The following FGA variants were observed in gnomAD, a reference collection of about 807,000 sequenced individuals.
The protein encoded by FGA is fibrinogen, A alpha polypeptide.
In FGA, 20 loss-of-function variants were observed where a neutral mutation model predicts 20.3. The observed-to-expected ratio is 0.99, with a 90% CI of 0.69 to 1.43. The LOEUF (loss-of-function observed/expected upper bound fraction) is 1.43, where lower values mean the gene tolerates loss of function less well. Among genes scored for constraint, FGA ranks in the 40% most tolerant of loss-of-function variants. The probability of loss-of-function intolerance (pLI) is 0.00; values close to 1 mark genes in which losing one functional copy is unlikely to be tolerated. For missense variants in FGA, 777 were observed against 784.7 expected, an observed-to-expected ratio of 0.99 and a Z score of 0.12; for synonymous variants, 306 against 281.6, an observed-to-expected ratio of 1.09 and a Z score of -0.87.
At chr4:154,584,120 C>CCCACTTCTTA (rs1190504677), downstream of FGA, 1 of 1,065,778 alleles carries the variant, frequency 9.4e-7, no homozygotes, top group South Asian at 1.7e-5. Flanking sequence ...CCCACTTCTT[C>CCCACTTCTTA]AGCCTATTGG....
chr4:154,583,218 C>T (rs980993070), downstream of FGA: 4 of 151,938 alleles, frequency 2.6e-5, no homozygotes, highest in African/African-American at 9.7e-5. Flanking sequence ...GGCAAGACCA[C>T]CAGGATTAAA....
downstream of FGA, chr4:154,584,244 A>G (rs1730653725): frequency 3.1e-6 from 5 of 1,614,086 alleles, no homozygotes; most frequent in East Asian, 4.5e-5. Flanking sequence ...TCCTTGGGTC[A>G]TAGGAGCCCC....
chr4:154,588,690 T>A, intron 3 of FGA, 103 bp downstream of exon 3: 1 of 874,376 alleles, frequency 1.1e-6, no homozygotes, highest in Non-Finnish European at 1.9e-6. Context: ...CTACACTAAG[T>A]ACTTTGGGAT....
downstream of FGA, chr4:154,584,866 TATTCTC>T: frequency 6.8e-7 from 1 of 1,478,724 alleles, no homozygotes; most frequent in African/African-American, 1.4e-5. Flanking sequence ...TGGAAGAAGT[TATTCTC>T]ATTTAACTTT....
In FGA at chr4:154,589,458, G is replaced by A. The variant is rs774401572; in HGVS notation, c.159C>T (p.Pro53=). ...HQSACKDSDW[P]FCSDEDWNYK... ...TTACCCAGTCTTCATCAGAGCAGAA[G>A]GGCCAGTCTGAATCTTTGCAGGCAG... The change falls in exon 2 of 5, where the codon CCC becomes CCT. Residue 53 remains proline (P), a synonymous_variant. Coordinates refer to ENST00000403106, the MANE Select transcript of FGA (RefSeq NM_021871.4). 5.0e-6 allele frequency: 8 copies of A among 1,614,086 alleles called. No individual in the cohort carries two copies. Among genetic ancestry groups the A allele is most frequent in the South Asian group, 2.2e-5 (2 of 91,082 alleles).
rs1730697863 is a variant in FGA at position 154,585,890 on chromosome 4, G to T, written c.1539C>A (p.His513Gln). The stretch of plus-strand genomic sequence containing the variant: ...TGTCGAAGAAGGCAGCTTCATCAGG[G>T]TGCCTATGGCGGAACCCATCCAGAG... ...IGTLDGFRHR[H>Q]PDEAAFFDTA... Residue 513 changes from histidine to glutamine, a missense_variant, in exon 5 of 5, where the codon CAC becomes CAA. Physicochemically the swap from His to Gln is conservative, Grantham distance 24. Transcript: ENST00000403106. The T allele has an allele frequency of 6.2e-7, 1 of 1,614,028 alleles. No homozygotes were observed. Among genetic ancestry groups the T allele is most frequent in the Non-Finnish European group, 8.5e-7 (1 of 1,179,916 alleles).
chr4:154,589,037 C>T (rs550378882), intron 2 of FGA, 61 bp from the exon 3 acceptor site: 1 of 1,421,050 alleles, frequency 7.0e-7, no homozygotes, highest in Non-Finnish European at 9.9e-7. Flanking sequence ...AATAATTTTG[C>T]ATGTTTCCAT....
In FGA at chr4:154,586,105, G is replaced by C. The variant is rs763659799; in HGVS notation, c.1324C>G (p.Leu442Val). The change falls in exon 5 of 5, where the codon CTC becomes GTC. Residue 442 changes from leucine to valine, a missense_variant. Leu to Val is a conservative substitution (Grantham distance 32, BLOSUM62 1). Coordinates refer to ENST00000403106, the MANE Select transcript of FGA (RefSeq NM_021871.4). ...KLVTSKGDKE[L>V]RTGKEKVTSG... ...GTGACCTTCTCTTTACCAGTCCTGAGCTCTTTATCTCCTTTAGAAGTGACC... is the reference window on the plus strand; with the variant it reads ...GTGACCTTCTCTTTACCAGTCCTGACCTCTTTATCTCCTTTAGAAGTGACC... 6.2e-7 allele frequency: 1 copy of C among 1,614,160 alleles called. No homozygotes were observed. Among genetic ancestry groups the C allele is most frequent in the Non-Finnish European group, 8.5e-7 (1 of 1,180,020 alleles).
downstream of FGA, chr4:154,584,232 A>G (rs1315546979): frequency 1.2e-6 from 2 of 1,610,130 alleles, no homozygotes; most frequent in Admixed American, 3.4e-5. Flanking sequence ...AAGGACTGTT[A>G]TTCCTTGGGT....
rs1203516244 is a variant in FGA, at chr4:154,586,268, G to A, written c.1161C>T (p.His387=). 6.2e-7 allele frequency: 1 copy of A among 1,614,112 alleles called. No individual in the cohort carries two copies. Among genetic ancestry groups the A allele is most frequent in the Admixed American group, 1.7e-5 (1 of 60,022 alleles). Residue 387 remains histidine, a synonymous_variant, in exon 5 of 5, where the codon CAC becomes CAT. Transcript: ENST00000403106. ...SSVSGSTGQW[H]SESGSFRPDS... ...CTGGCCTAAAACTTCCAGATTCAGA[G>A]TGCCATTGTCCAGTACTACCAGATA... is the stretch of plus-strand genomic sequence containing the variant.
In FGA at chr4:154,585,973, C is replaced by T. The variant is rs1012128285; in HGVS notation, c.1456G>A (p.Glu486Lys). The T allele has an allele frequency of 3.1e-6, 5 of 1,614,032 alleles. No homozygotes were observed. The highest frequency in any genetic ancestry group is 3.3e-5 in the Admixed American group (2 of 60,014). ...GCCTCGGGACAGTCAGAACCATCTT[C>T]GGAGGTCACCACTTCTTTGGTAACT... ...KEVTKEVVTSEDGSDCPEAMD... is the reference protein window; with the variant it reads ...KEVTKEVVTSKDGSDCPEAMD... The change falls in exon 5 of 5, where the codon GAA becomes AAA. Residue 486 changes from glutamate (E) to lysine (K), a missense_variant. Coordinates refer to ENST00000403106, the MANE Select transcript of FGA (RefSeq NM_021871.4).
rs763828167 is a variant in FGA, at chr4:154,586,597, C to T, written c.832G>A (p.Gly278Arg). 8.0e-5 allele frequency: 129 copies of T among 1,613,930 alleles called. No homozygotes were observed. Among genetic ancestry groups the T allele is most frequent in the Non-Finnish European group, 1.0e-4 (122 of 1,180,002 alleles). Residue 278 changes from glycine (G) to arginine (R), a missense_variant, in exon 5 of 5, where the codon GGA (glycine) becomes AGA (arginine). Transcript: ENST00000403106. Reference sequence around the variant, plus strand: ...GGGCTTTCCGTCTCTGATCCGGTTCCATAAGAGGTGGAGCCTCCTCGAGTA... The same window carrying T: ...GGGCTTTCCGTCTCTGATCCGGTTCTATAAGAGGTGGAGCCTCCTCGAGTA... Reference protein sequence around the residue: ...EITRGGSTSYGTGSETESPRN... With the variant: ...EITRGGSTSYRTGSETESPRN...
chr4:154,584,373 C>T (rs1197341536), downstream of FGA: 2 of 1,614,026 alleles, frequency 1.2e-6, no homozygotes, highest in African/African-American at 1.3e-5. Flanking sequence ...AGGTGCTGAA[C>T]TGCATGTTGT....
chr4:154,583,943 C>A, downstream of FGA: 1 of 615,172 alleles, frequency 1.6e-6, no homozygotes, highest in Admixed American at 2.9e-5. Context: ...AAAAACCTTA[C>A]ATAACTTTAT....
Position 154,586,509 on chromosome 4 carries a change from T to G in FGA, c.920A>C (p.Asn307Thr), listed in dbSNP as rs765197711. 6 of 1,613,728 alleles carry G rather than the reference T, an allele frequency of 3.7e-6. No homozygotes were observed. The South Asian group carries it at 5.5e-5, about 15-fold the overall frequency. Residue 307 changes from asparagine to threonine, a missense_variant, in exon 5 of 5, where the codon AAC becomes ACC. By Grantham distance (65) the Asn-to-Thr change is moderately conservative. Transcript: ENST00000403106. ...AGTCCCAGAGCTCCCAGGGTTTCGG[T>G]TTCCAGTACTTCCAGGTCCAGAGCT... ...SGSSGPGSTG[N>T]RNPGSSGTGG...
At chr4:154,585,149 G>T, downstream of FGA, 1 of 928,466 alleles carries the variant, frequency 1.1e-6, no homozygotes, top group Non-Finnish European at 1.5e-6. Context: ...TATTTAGCCT[G>T]ACCTAAATGT....
chr4:154,590,038 C>A (rs1350727986), intron 1 of FGA, among the ~76,000 whole-genome samples: 1 of 152,180 alleles, frequency 6.6e-6, no homozygotes, highest in Non-Finnish European at 1.5e-5. Context: ...TCTATGTAAC[C>A]TTTAGAGATG....
At chr4:154,587,445 T>C in intron 4 of FGA, 67 bp downstream of exon 4, 2 of 1,415,626 alleles carry the variant, frequency 1.4e-6, no homozygotes, top group Non-Finnish European at 1.0e-6. Context: ...ACTCAGTGCA[T>C]AACTATCGCC....
At position 154,586,427 on chromosome 4, in the gene FGA, C is replaced by A. The variant is rs1578796082; in HGVS notation, c.1002G>T (p.Trp334Cys). ...GSSGPGSTGS[W>C]NSGSSGTGST... ...TTCCAGTTCCAGAGCTCCCAGAGTT[C>A]CAGCTTCCAGTACTTCCAGGTCCAG... is the stretch of plus-strand genomic sequence containing the variant. Residue 334 changes from tryptophan to cysteine, a missense_variant, in exon 5 of 5, where the codon TGG becomes TGT. By Grantham distance (215) the Trp-to-Cys change is radical. Coordinates refer to ENST00000403106, the MANE Select transcript of FGA (RefSeq NM_021871.4). 6.2e-7 allele frequency: 1 copy of A among 1,611,518 alleles called. No homozygotes were observed. The highest frequency in any genetic ancestry group is 8.5e-7 in the Non-Finnish European group (1 of 1,178,642).
Sources: gnomAD v4.1 joint callset for allele counts (sites outside exome capture counted in the v4.1 genomes callset) on GRCh38, gnomAD v4.1.1 for gene constraint, MANE v1.5 for transcripts, NCBI Gene and HGNC (gene_info 2026-07-23, HGNC 2026-07-21) for gene names.